Variants in RORA observed in about 807,000 individuals in gnomAD.
RORA encodes the protein RAR related orphan receptor A, also known as nuclear receptor ROR-alpha.
In RORA, 7 loss-of-function variants were observed where a neutral mutation model predicts 69.5. That is an observed-to-expected ratio of 0.10 (90% confidence interval 0.06 to 0.19). The LOEUF (loss-of-function observed/expected upper bound fraction) is 0.19, where lower values mean the gene tolerates loss of function less well. RORA is among the 10% of genes least tolerant of loss of function. The probability of loss-of-function intolerance (pLI) is 1.00; values close to 1 mark genes in which losing one functional copy is unlikely to be tolerated. For missense variants in RORA, 457 were observed against 663.0 expected, an observed-to-expected ratio of 0.69 and a Z score of 3.41; for synonymous variants, 261 against 240.8, an observed-to-expected ratio of 1.08 and a Z score of -0.78.
At chr15:60,505,167 C>T (rs879692088) in intron 6 of RORA, among the ~76,000 whole-genome samples, 2 of 152,192 alleles carry the variant, frequency 1.3e-5, no homozygotes, top group Non-Finnish European at 2.9e-5. Context: ...GATTATTTTA[C>T]ATAAACTTCC....
In RORA at chr15:60,516,149, A is replaced by AAATATATATATT. The variant is rs1567051985; in HGVS notation, c.283-1393_283-1392insAATATATATATT. ...ATATTAAATATATTTATATATATTT[A>AAATATATATATT]TATATATATATTTATATATATATTT... is the stretch of plus-strand genomic sequence containing the variant. On this transcript the variant is annotated intron_variant, in intron 3 of 10. Coordinates refer to ENST00000335670, the MANE Select transcript of RORA (RefSeq NM_134261.3). Among the ~76,000 whole-genome samples the AAATATATATATT allele has an allele frequency of 2.5e-3, 86 of 34,784 alleles. 13 individuals carry two copies. Among genetic ancestry groups the AAATATATATATT allele is most frequent in the South Asian group, 3.8e-3 (4 of 1,044 alleles). 22.8% of individuals were successfully genotyped at this position (34,784 alleles called of 152,430 possible).
At chr15:60,799,109 C>T (rs973559478) in intron 1 of RORA, among the ~76,000 whole-genome samples, 6 of 152,028 alleles carry the variant, frequency 3.9e-5, no homozygotes, top group African/African-American at 7.2e-5. Context: ...CTCAGGCCTC[C>T]GTGCCCTCGT....
At chr15:60,640,420 G>A (rs2069922165) in intron 2 of RORA, among the ~76,000 whole-genome samples, 1 of 152,112 alleles carries the variant, frequency 6.6e-6, no homozygotes. Flanking sequence ...TAAACCCAGT[G>A]CAATCCATCT....
chr15:60,671,710 CAAGT>C (rs199679503), intron 2 of RORA, among the ~76,000 whole-genome samples: 2,409 of 151,924 alleles, frequency 0.016, 73 homozygotes, highest in African/African-American at 0.056. Flanking sequence ...CTCCCGGGTT[CAAGT>C]GATTCTCATG....
chr15:60,581,253 G>A (rs753366567), intron 2 of RORA, among the ~76,000 whole-genome samples: 1 of 152,168 alleles, frequency 6.6e-6, no homozygotes, highest in South Asian at 2.1e-4. Context: ...ACAGCAGCAG[G>A]GGGCTTAGAA....
At chr15:60,906,635 G>C (rs1209563345) in intron 1 of RORA, among the ~76,000 whole-genome samples, 1 of 152,102 alleles carries the variant, frequency 6.6e-6, no homozygotes, top group Non-Finnish European at 1.5e-5. Context: ...CTGTATCAGA[G>C]GCAAACAAGT....
intron 1 of RORA, among the ~76,000 whole-genome samples, chr15:60,718,948 C>T (rs776634742): frequency 5.3e-5 from 8 of 151,912 alleles, no homozygotes; most frequent in Non-Finnish European, 8.8e-5. Flanking sequence ...GCTCCCGTGC[C>T]GTTCTGAAAG....
intron 2 of RORA, among the ~76,000 whole-genome samples, chr15:60,638,475 A>T (rs2140668394): frequency 6.6e-6 from 1 of 151,310 alleles, no homozygotes; most frequent in South Asian, 2.1e-4. Flanking sequence ...TACTGGAAGC[A>T]TTAGTCCCAA....
chr15:60,659,687 A>C (rs2070275786), intron 2 of RORA, among the ~76,000 whole-genome samples: 1 of 152,178 alleles, frequency 6.6e-6, no homozygotes, highest in African/African-American at 2.4e-5. Context: ...AAAGTGATCA[A>C]ACCCCAAATG....
intron 1 of RORA, among the ~76,000 whole-genome samples, chr15:61,193,435 T>C (rs998052029): frequency 5.9e-5 from 9 of 152,116 alleles, no homozygotes; most frequent in African/African-American, 2.2e-4. Context: ...TAGAAAAAGT[T>C]AGACTTTTTC....
At chr15:60,705,108 T>C (rs2071042325) in intron 1 of RORA, among the ~76,000 whole-genome samples, 1 of 136,868 alleles carries the variant, frequency 7.3e-6, no homozygotes, top group Non-Finnish European at 1.6e-5. Flanking sequence ...ATCGTTCTCA[T>C]TATGACATTT....
intron 1 of RORA, among the ~76,000 whole-genome samples, chr15:60,703,157 ACACAC>A (rs1477125961): frequency 2.0e-5 from 3 of 151,754 alleles, no homozygotes; most frequent in Admixed American, 2.0e-4. Flanking sequence ...ACACACACAC[ACACAC>A]AATCTCTTTT....
intron 1 of RORA, among the ~76,000 whole-genome samples, chr15:61,106,465 C>T (rs7162624): frequency 1.3e-5 from 2 of 152,308 alleles, no homozygotes; most frequent in East Asian, 3.9e-4. Flanking sequence ...TAAAACACAA[C>T]CAGCTTTTTA....
chr15:60,574,035 C>G (rs1205125172), intron 2 of RORA, among the ~76,000 whole-genome samples: 1 of 152,150 alleles, frequency 6.6e-6, no homozygotes, highest in Non-Finnish European at 1.5e-5. Flanking sequence ...AGCCCCTAAC[C>G]TCAATTTGCA....
chr15:60,616,109 G>A (rs1315220323), intron 2 of RORA, among the ~76,000 whole-genome samples: 1 of 152,088 alleles, frequency 6.6e-6, no homozygotes, highest in African/African-American at 2.4e-5. Flanking sequence ...ACACTCACAT[G>A]CATAAAACAC....
chr15:61,077,526 C>T lies in RORA; in HGVS notation c.166+151527G>A, dbSNP rs546387345. Among the ~76,000 whole-genome samples, 3 of 152,252 alleles carry T rather than the reference C, an allele frequency of 2.0e-5. No homozygotes were observed. In the South Asian group the frequency reaches 6.2e-4, roughly 32 times the overall value. On this transcript the variant is annotated intron_variant, in intron 1 of 10. Transcript: ENST00000335670. ...TGTTTTGCCCATACTGCCCTTCCAT[C>T]CAAAGCCATGACCCTCTGTCTAGGT... is the stretch of plus-strand genomic sequence containing the variant.
chr15:60,526,361 C>T (rs1393219269), intron 3 of RORA, among the ~76,000 whole-genome samples: 1 of 152,230 alleles, frequency 6.6e-6, no homozygotes, highest in Non-Finnish European at 1.5e-5. Flanking sequence ...CAAGCACGCA[C>T]GAGGGACCTG....
chr15:61,084,527 A>G (rs866066547), intron 1 of RORA, among the ~76,000 whole-genome samples: 22 of 152,318 alleles, frequency 1.4e-4, no homozygotes, highest in Non-Finnish European at 1.8e-4. Flanking sequence ...GGGACTTGCT[A>G]TATCTTCTTA....
chr15:61,101,542 C>G (rs565658611), intron 1 of RORA, among the ~76,000 whole-genome samples: 1 of 152,116 alleles, frequency 6.6e-6, no homozygotes, highest in South Asian at 2.1e-4. Context: ...CTGGAATGAT[C>G]CTAGAAATTG....
Sources: allele counts gnomAD v4.1 joint callset (sites outside exome capture counted in the v4.1 genomes callset), GRCh38; gene constraint gnomAD v4.1.1; transcripts MANE v1.5; gene names NCBI Gene and HGNC (gene_info 2026-07-23, HGNC 2026-07-21).